GPC5: variants seen among roughly 807,000 people sequenced by gnomAD.
GPC5 encodes the protein glypican 5, also known as glypican-5.
Under a neutral mutation model 53.9 loss-of-function variants are expected in GPC5, and 47 were observed. That is an observed-to-expected ratio of 0.87 (90% CI 0.69 to 1.11). The LOEUF is 1.11. Ranked by LOEUF, GPC5 falls within the 50% of genes most tolerant of loss-of-function variation. The pLI is 0.00. For synonymous variants in GPC5, 286 were observed against 263.3 expected (o/e 1.09, Z -0.84); for missense variants, 748 against 713.1 (o/e 1.05, Z -0.56).
At chr13:91,852,028 G>A (rs1329422805) in intron 5 of GPC5, among the ~76,000 whole-genome samples, 1 of 151,346 alleles carries the variant, frequency 6.6e-6, no homozygotes, top group African/African-American at 2.4e-5. Context: ...TAATGGGATG[G>A]CTGGGTCAAA....
At chr13:91,686,812 G>A (rs563907314) in intron 2 of GPC5, among the ~76,000 whole-genome samples, 2 of 152,038 alleles carry the variant, frequency 1.3e-5, no homozygotes, top group African/African-American at 4.8e-5. Flanking sequence ...CAGGCACAGA[G>A]CAACTCTAAA....
intron 6 of GPC5, among the ~76,000 whole-genome samples, chr13:91,969,750 C>T (rs1294035788): frequency 1.3e-5 from 2 of 152,060 alleles, no homozygotes; most frequent in Non-Finnish European, 2.9e-5. Context: ...ATAGCCAACA[C>T]GTTTATGAAA....
At chr13:92,195,068 G>A (rs1230535554) in intron 7 of GPC5, among the ~76,000 whole-genome samples, 2 of 152,112 alleles carry the variant, frequency 1.3e-5, no homozygotes, top group Non-Finnish European at 1.5e-5. Flanking sequence ...TGAAACCAAC[G>A]ATAAGAATTG....
intron 7 of GPC5, among the ~76,000 whole-genome samples, chr13:92,339,387 T>C (rs2043347917): frequency 6.6e-6 from 1 of 152,010 alleles, no homozygotes; most frequent in Non-Finnish European, 1.5e-5. Flanking sequence ...CCTTGTGTAT[T>C]TGAGTAATCA....
intron 6 of GPC5, among the ~76,000 whole-genome samples, chr13:92,108,866 A>G (rs2041530280): frequency 6.6e-6 from 1 of 152,100 alleles, no homozygotes; most frequent in Non-Finnish European, 1.5e-5. Flanking sequence ...AACATTAATT[A>G]TCAATAGTGT....
intron 6 of GPC5, among the ~76,000 whole-genome samples, chr13:92,058,059 A>T (rs1364548609): frequency 1.3e-5 from 2 of 152,202 alleles, no homozygotes; most frequent in African/African-American, 4.8e-5. Context: ...CAGTCTTCTG[A>T]CTATGAATTC....
At chr13:91,463,565 T>C in intron 2 of GPC5, among the ~76,000 whole-genome samples, 1 of 152,122 alleles carries the variant, frequency 6.6e-6, no homozygotes, top group South Asian at 2.1e-4. Flanking sequence ...TATACAGCTA[T>C]AGTAATTAAA....
intron 5 of GPC5, among the ~76,000 whole-genome samples, chr13:91,833,815 T>A (rs1354689185): frequency 6.6e-6 from 1 of 152,148 alleles, no homozygotes; most frequent in South Asian, 2.1e-4. Context: ...CGGGAAGCAT[T>A]CCCTTTGAAA....
chr13:91,921,786 A>C lies in GPC5; in HGVS notation c.1401+13729A>C, dbSNP rs927022674. On this transcript the variant is annotated intron_variant, in intron 6 of 7. Transcript: ENST00000377067. ...CATAGCAAGACTGCCTTTAAAAAAA[A>C]AAAAGAAAGAAAGAAAGAAAGAAAG... is the stretch of plus-strand genomic sequence containing the variant. 1.5e-4 allele frequency among the ~76,000 whole-genome samples: 13 copies of C among 88,494 alleles called. 1 individual carries two copies. The highest frequency in any genetic ancestry group is 1.2e-3 in the Admixed American group (11 of 9,334). 58.1% of individuals were successfully genotyped at this position (88,494 alleles called of 152,430 possible).
At chr13:92,319,447 A>T (rs1250114550) in intron 7 of GPC5, among the ~76,000 whole-genome samples, 1 of 151,650 alleles carries the variant, frequency 6.6e-6, no homozygotes, top group Non-Finnish European at 1.5e-5. Context: ...TCAGTTAGAA[A>T]ATATGAATTA....
At chr13:92,291,164 C>T (rs972723599) in intron 7 of GPC5, among the ~76,000 whole-genome samples, 2 of 152,130 alleles carry the variant, frequency 1.3e-5, no homozygotes, top group African/African-American at 2.4e-5. Context: ...GGAGCCTCCC[C>T]GAGGAGCGCC....
At chr13:91,814,562 CAG>C (rs1449846654) in intron 5 of GPC5, among the ~76,000 whole-genome samples, 1 of 148,058 alleles carries the variant, frequency 6.8e-6, no homozygotes, top group Non-Finnish European at 1.5e-5. Flanking sequence ...TATTTTGAGA[CAG>C]AGTTTCACTC....
intron 5 of GPC5, among the ~76,000 whole-genome samples, chr13:91,878,855 G>A (rs1291694458): frequency 6.6e-6 from 1 of 152,014 alleles, no homozygotes; most frequent in Non-Finnish European, 1.5e-5. Context: ...CTTGAGAATG[G>A]ACTAATACAT....
intron 6 of GPC5, among the ~76,000 whole-genome samples, chr13:92,144,414 T>C (rs1044475859): frequency 6.6e-6 from 1 of 152,218 alleles, no homozygotes; most frequent in Non-Finnish European, 1.5e-5. Flanking sequence ...AGAGTCGTAC[T>C]TCTTCAGAAA....
intron 7 of GPC5, chr13:92,447,717 T>G (rs1877886257): frequency 6.6e-6 from 1 of 152,134 alleles, no homozygotes; most frequent in Non-Finnish European, 1.5e-5. Context: ...ACATGAAATG[T>G]AAAGATCATT....
intron 2 of GPC5, among the ~76,000 whole-genome samples, chr13:91,535,256 A>G (rs562283579): frequency 6.6e-6 from 1 of 152,164 alleles, no homozygotes; most frequent in Admixed American, 6.5e-5. Context: ...CATTTCTGAC[A>G]TTCTTGATAG....
Position 92,756,290 on chromosome 13 carries a change from C to T in GPC5, c.1562-109992C>T, listed in dbSNP as rs919257500. Among the ~76,000 whole-genome samples the T allele has an allele frequency of 8.7e-3, 1,324 of 152,072 alleles. 19 individuals are homozygous for T. The highest frequency in any genetic ancestry group is 0.03 in the African/African-American group (1,257 of 41,494). On this transcript the variant is annotated intron_variant, in intron 7 of 7. Coordinates refer to ENST00000377067, the MANE Select transcript of GPC5 (RefSeq NM_004466.6). The stretch of plus-strand genomic sequence containing the variant: ...TGACAAAATTCAACAACCCTTCATG[C>T]TAAAAACTCTCAATAAATTAGGTAT...
At chr13:92,651,760 T>C (rs1885966659) in intron 7 of GPC5, among the ~76,000 whole-genome samples, 1 of 152,168 alleles carries the variant, frequency 6.6e-6, no homozygotes, top group Non-Finnish European at 1.5e-5. Flanking sequence ...TAGAAGTCTC[T>C]GTACTATCTT....
At chr13:92,201,227 C>A (rs1267519847) in intron 7 of GPC5, among the ~76,000 whole-genome samples, 1 of 152,094 alleles carries the variant, frequency 6.6e-6, no homozygotes, top group Non-Finnish European at 1.5e-5. Flanking sequence ...ATGTTATGGA[C>A]AAAGATGTAA....
Sources: allele counts gnomAD v4.1 joint callset (sites outside exome capture counted in the v4.1 genomes callset), GRCh38; gene constraint gnomAD v4.1.1; transcripts MANE v1.5; gene names NCBI Gene and HGNC (gene_info 2026-07-23, HGNC 2026-07-21).